Variants in FLG observed in about 807,000 individuals in gnomAD.
FLG encodes the protein filaggrin, also known as epidermal filaggrin.
FLG carries 6 observed loss-of-function variants against 3.8 expected under a neutral mutation model. The ratio of observed to expected loss-of-function variants is 1.60; its 90% CI spans 0.87 to 3.15. FLG has a LOEUF of 3.15. Among genes scored for constraint, FLG ranks in the 30% most tolerant of loss-of-function variants. The pLI is 0.00. For missense variants in FLG, 7,595 were observed against 5,050.9 expected (o/e 1.50, Z -15.27); for synonymous variants, 2,551 against 1,931.6 (o/e 1.32, Z -8.41).
chr1:152,324,086 C>T (rs866045314), intron 1 of FLG, among the ~76,000 whole-genome samples: 7 of 142,232 alleles, frequency 4.9e-5, no homozygotes, highest in Non-Finnish European at 9.1e-5. Flanking sequence ...TGGATAACTT[C>T]TAGATTTTGG....
chr1:152,304,821 C>T lies in FLG; in HGVS notation c.10065G>A (p.Val3355=). The part of the protein sequence containing the change: ...GHSEESDTQS[V]SGHGQAGPHQ... ...GGGGCCCAGCCTGTCCATGGCCTGA[C>T]ACTGACTGTGTGTCTGACTCTTCTG... is the stretch of plus-strand genomic sequence containing the variant. The change falls in exon 3 of 3, where the codon GTG becomes GTA. Residue 3355 remains valine (V), a synonymous_variant. Transcript: ENST00000368799. 6.2e-7 allele frequency: 1 copy of T among 1,613,880 alleles called. No homozygotes were observed. The highest frequency in any genetic ancestry group is 8.5e-7 in the Non-Finnish European group (1 of 1,179,986).
chr1:152,305,324 G>C lies in FLG; in HGVS notation c.9562C>G (p.His3188Asp). Residue 3188 changes from histidine (H) to aspartate (D), a missense_variant, in exon 3 of 3, where the codon CAT (histidine) becomes GAT (aspartate). His to Asp is a moderately conservative substitution (Grantham distance 81). Transcript: ENST00000368799. The stretch of plus-strand genomic sequence containing the variant: ...TGTGAGTGTCTAGAGATGTCGGCAT[G>C]AGTGGAAGCTTCATGGTGACGTGAC... ...SVSRHHEAST[H>D]ADISRHSQAV... The C allele has an allele frequency of 6.2e-7, 1 of 1,607,860 alleles. No homozygotes were observed. The highest frequency in any genetic ancestry group is 8.5e-7 in the Non-Finnish European group (1 of 1,178,272).
chr1:152,315,489 A>G lies in FLG; in HGVS notation c.-21-12T>C. 1 of 1,593,362 alleles carries G rather than the reference A, an allele frequency of 6.3e-7. No individual in the cohort carries two copies. The highest frequency in any genetic ancestry group is 8.6e-7 in the Non-Finnish European group (1 of 1,168,774). ...CAATAAATGTGAACCTAGAAAGAAG[A>G]AATGAAAATGCACTTTTTTATACAT... On this transcript the variant is annotated splice_polypyrimidine_tract_variant and intron_variant, in intron 1 of 2. Transcript: ENST00000368799.
In FLG at chr1:152,311,982, T is replaced by G; in HGVS notation, c.2904A>C (p.Arg968Ser). The change falls in exon 3 of 3, where the codon AGA becomes AGC. Residue 968 changes from arginine (R) to serine (S), a missense_variant. Coordinates refer to ENST00000368799, the MANE Select transcript of FLG (RefSeq NM_002016.2). ...DSERWSGSAS[R>S]NHRGSAQEQS... ...GCTCCTGAGCAGATCCACGATGGTT[T>G]CTGGAAGCAGACCCAGACCACCTCT... 1 of 1,614,078 alleles carries G rather than the reference T, an allele frequency of 6.2e-7. No homozygotes were observed. Among genetic ancestry groups the G allele is most frequent in the Non-Finnish European group, 8.5e-7 (1 of 1,180,000 alleles).
At chr1:152,316,907 C>T (rs1224983922) in intron 1 of FLG, among the ~76,000 whole-genome samples, 1 of 152,120 alleles carries the variant, frequency 6.6e-6, no homozygotes, top group Non-Finnish European at 1.5e-5. Flanking sequence ...TCAACAACTT[C>T]TTCTTTCCTT....
In FLG at chr1:152,303,633, G is replaced by A; in HGVS notation, c.11253C>T (p.Ser3751=). The part of the protein sequence containing the change: ...QARDSSRHSA[S]QEGQDTIRGH... ...CACGAATGGTGTCCTGACCCTCTTGGGACGCTGAGTGCCTGGAGCTGTCTC... is the reference window on the plus strand; with the variant it reads ...CACGAATGGTGTCCTGACCCTCTTGAGACGCTGAGTGCCTGGAGCTGTCTC... Residue 3751 remains serine, a synonymous_variant, in exon 3 of 3, where the codon TCC becomes TCT. Transcript: ENST00000368799. 1 of 1,613,628 alleles carries A rather than the reference G, an allele frequency of 6.2e-7. No homozygotes were observed. Among genetic ancestry groups the A allele is most frequent in the Non-Finnish European group, 8.5e-7 (1 of 1,179,844 alleles).
Position 152,309,306 on chromosome 1 carries a change from T to C in FLG, c.5580A>G (p.Gly1860=). Residue 1860 remains glycine, a synonymous_variant, in exon 3 of 3, where the codon GGA becomes GGG. Transcript: ENST00000368799. ...GTGTTTGTCTGCTGACACTTCTGGA[T>C]CCTGACTGCCCACGGGAGACATCAG... ...ERSDVSRGQS[G]SRSVSRQTRN... 6 of 1,613,772 alleles carry C rather than the reference T, an allele frequency of 3.7e-6. No individual in the cohort carries two copies. Among genetic ancestry groups the C allele is most frequent in the Non-Finnish European group, 5.1e-6 (6 of 1,179,972 alleles).
In FLG at chr1:152,312,828, C is replaced by G; in HGVS notation, c.2058G>C (p.Gln686His). 2 of 1,614,070 alleles carry G rather than the reference C, an allele frequency of 1.2e-6. No individual in the cohort carries two copies. The change falls in exon 3 of 3, where the codon CAG (glutamine) becomes CAC (histidine). Residue 686 changes from glutamine (Q) to histidine (H), a missense_variant. Physicochemically the swap from Gln to His is conservative, Grantham distance 24. Transcript: ENST00000368799. ...SSRKSGTRHT[Q>H]NSSSGQAASS... Reference sequence around the variant, plus strand: ...ACGCAGCCTGTCCACTAGAGGAATTCTGTGTGTGACGAGTGCCTGATTTTC... The same window carrying G: ...ACGCAGCCTGTCCACTAGAGGAATTGTGTGTGTGACGAGTGCCTGATTTTC...
Position 152,304,542 on chromosome 1 carries a change from G to A in FLG, c.10344C>T (p.Ser3448=), listed in dbSNP as rs753578049. The stretch of plus-strand genomic sequence containing the variant: ...ACCTATCTACCGATTGCTCGTAGTG[G>A]GATCCCTGCCTTCCTCTTCTGCTTG... The part of the protein sequence containing the change: ...PGSSRRGRQG[S]HYEQSVDRSG... The change falls in exon 3 of 3, where the codon TCC becomes TCT. Residue 3448 remains serine (S), a synonymous_variant. Transcript: ENST00000368799. The A allele has an allele frequency of 2.5e-6, 4 of 1,609,850 alleles. No individual in the cohort carries two copies. Among genetic ancestry groups the A allele is most frequent in the African/African-American group, 1.3e-5 (1 of 74,546 alleles).
chr1:152,313,411 C>T lies in FLG; in HGVS notation c.1475G>A (p.Arg492Lys). 2.5e-6 allele frequency: 4 copies of T among 1,613,874 alleles called. No individual in the cohort carries two copies. The South Asian group carries it at 3.3e-5, about 13-fold the overall frequency. The change falls in exon 3 of 3, where the codon AGA (arginine) becomes AAA (lysine). Residue 492 changes from arginine (R) to lysine (K), a missense_variant. Arg to Lys is a conservative substitution (Grantham distance 26). Coordinates refer to ENST00000368799, the MANE Select transcript of FLG (RefSeq NM_002016.2). ...TGCCTGCTCGTGGTGCGATCCTTGT[C>T]TTCCTCCAGTGCTGGTCCCGGTCCG... The part of the protein sequence containing the change: ...HGRTGTSTGG[R>K]QGSHHEQARD...
rs747796700 is a variant in FLG at position 152,308,818 on chromosome 1, C to T, written c.6068G>A (p.Gly2023Glu). 1.2e-6 allele frequency: 2 copies of T among 1,614,118 alleles called. No individual in the cohort carries two copies. Among genetic ancestry groups the T allele is most frequent in the Non-Finnish European group, 1.7e-6 (2 of 1,179,992 alleles). ...SADSSRHSGI[G>E]HGQASSAVRD... ...GACTGCAGATGAAGCTTGTCCATGCCCAATGCCTGAGTGTCTGGAGCTGTC... is the reference window on the plus strand; with the variant it reads ...GACTGCAGATGAAGCTTGTCCATGCTCAATGCCTGAGTGTCTGGAGCTGTC... The change falls in exon 3 of 3, where the codon GGG becomes GAG. Residue 2023 changes from glycine (G) to glutamate (E), a missense_variant. Gly to Glu is a moderately conservative substitution (Grantham distance 98). Coordinates refer to ENST00000368799, the MANE Select transcript of FLG (RefSeq NM_002016.2).
rs375584758 is a variant in FLG at position 152,310,382 on chromosome 1, C to T, written c.4504G>A (p.Gly1502Arg). ...TCTACTGATTGCTCGTGGTAGGATC[C>T]CTGCCTTCCTCCTCTGCTTGACCCC... is the stretch of plus-strand genomic sequence containing the variant. ...HPGSSRGGRQGSYHEQSVDRS... is the reference protein window; with the variant it reads ...HPGSSRGGRQRSYHEQSVDRS... The change falls in exon 3 of 3, where the codon GGA becomes AGA. Residue 1502 changes from glycine to arginine, a missense_variant. Transcript: ENST00000368799. 2.5e-6 allele frequency: 4 copies of T among 1,613,644 alleles called. No homozygotes were observed. In the South Asian group the frequency reaches 3.3e-5, roughly 13 times the overall value.
rs1189411821 is a variant in FLG at position 152,307,301 on chromosome 1, G to T, written c.7585C>A (p.His2529Asn). Residue 2529 changes from histidine to asparagine, a missense_variant, in exon 3 of 3, where the codon CAC (histidine) becomes AAC (asparagine). Transcript: ENST00000368799. ...GCTTCATGGTGACGCGACCCTGAGT[G>T]CCTGGAGCCGTCTCCTGATTGTTCA... The part of the protein sequence containing the change: ...NDEQSGDGSR[H>N]SGSRHHEASS... 1.2e-6 allele frequency: 2 copies of T among 1,613,562 alleles called. No individual in the cohort carries two copies. The highest frequency in any genetic ancestry group is 8.5e-7 in the Non-Finnish European group (1 of 1,179,976).
In FLG at chr1:152,310,773, T is replaced by C. The variant is rs766913580; in HGVS notation, c.4113A>G (p.Ser1371=). Residue 1371 remains serine (S), a synonymous_variant, in exon 3 of 3, where the codon TCA becomes TCG. Transcript: ENST00000368799. ...ATGAAGCTTGTCTGTGCCCAATGCC[T>C]GAGTGTCTGGAGCTGTCTGCTGACT... is the stretch of plus-strand genomic sequence containing the variant. ...HQQSADSSRH[S]GIGHRQASSA... 3 of 1,614,036 alleles carry C rather than the reference T, an allele frequency of 1.9e-6. No individual in the cohort carries two copies. The highest frequency in any genetic ancestry group is 1.7e-6 in the Non-Finnish European group (2 of 1,179,998).
In FLG at chr1:152,308,098, G is replaced by C. The variant is rs373335399; in HGVS notation, c.6788C>G (p.Ala2263Gly). The change falls in exon 3 of 3, where the codon GCG becomes GGG. Residue 2263 changes from alanine (A) to glycine (G), a missense_variant. Physicochemically the swap from Ala to Gly is moderately conservative, Grantham distance 60. Coordinates refer to ENST00000368799, the MANE Select transcript of FLG (RefSeq NM_002016.2). ...AGCAGATCCATGATGGTTTCTGGACGCAGACCCAGACCGCCTCTCAGAATC... is the reference window on the plus strand; with the variant it reads ...AGCAGATCCATGATGGTTTCTGGACCCAGACCCAGACCGCCTCTCAGAATC... Reference protein sequence around the residue: ...SEDSERRSGSASRNHHGSAQE... With the variant: ...SEDSERRSGSGSRNHHGSAQE... The C allele has an allele frequency of 6.2e-6, 10 of 1,613,966 alleles. No individual in the cohort carries two copies. The South Asian group carries it at 9.9e-5, about 16-fold the overall frequency.
Position 152,302,838 on chromosome 1 carries a change from T to G in FLG, c.12048A>C (p.Lys4016Asn), listed in dbSNP as rs1651690934. ...VVFKERSDICKASAFGKDHPR... is the reference protein window; with the variant it reads ...VVFKERSDICNASAFGKDHPR... ...GATGATCTTTACCAAACGCACTTGC[T>G]TTACAGATATCAGATCTTTCCTTGA... The change falls in exon 3 of 3, where the codon AAA becomes AAC. Residue 4016 changes from lysine (K) to asparagine (N), a missense_variant. Transcript: ENST00000368799. 7 of 1,614,088 alleles carry G rather than the reference T, an allele frequency of 4.3e-6. No homozygotes were observed. Among genetic ancestry groups the G allele is most frequent in the Non-Finnish European group, 5.9e-6 (7 of 1,180,034 alleles).
chr1:152,308,435 C>G lies in FLG; in HGVS notation c.6451G>C (p.Gly2151Arg). ...HPGPSRGGRQ[G>R]SHQEQSVDRS... ...TCTACCGATTGCTCTTGGTGGGACC[C>G]CTGTCTTCCTCCTCTGCTTGGCCCC... is the stretch of plus-strand genomic sequence containing the variant. Residue 2151 changes from glycine (G) to arginine (R), a missense_variant, in exon 3 of 3, where the codon GGG becomes CGG. Coordinates refer to ENST00000368799, the MANE Select transcript of FLG (RefSeq NM_002016.2). The G allele has an allele frequency of 6.2e-7, 1 of 1,613,824 alleles. No individual in the cohort carries two copies.
Position 152,312,410 on chromosome 1 carries a change from G to T in FLG, c.2476C>A (p.Arg826=). Residue 826 remains arginine (R), a synonymous_variant, in exon 3 of 3, where the codon CGA becomes AGA. Coordinates refer to ENST00000368799, the MANE Select transcript of FLG (RefSeq NM_002016.2). ...GATGCTGAGTGCCTGGAGTTGTCTC[G>T]TGCCTGCTCATGGTGGGATCCTTGT... is the stretch of plus-strand genomic sequence containing the variant. The part of the protein sequence containing the change: ...VRQGSHHEQA[R]DNSRHSASQD... 2 of 1,613,312 alleles carry T rather than the reference G, an allele frequency of 1.2e-6. No individual in the cohort carries two copies. The highest frequency in any genetic ancestry group is 1.7e-6 in the Non-Finnish European group (2 of 1,179,828).
intron 1 of FLG, among the ~76,000 whole-genome samples, chr1:152,318,520 A>T (rs1040480017): frequency 2.0e-5 from 3 of 151,746 alleles, no homozygotes; most frequent in African/African-American, 2.4e-5. Context: ...TCTTCTACTC[A>T]ATCTCAAAAG....
Sources: gnomAD v4.1 joint callset for allele counts (sites outside exome capture counted in the v4.1 genomes callset) on GRCh38, gnomAD v4.1.1 for gene constraint, MANE v1.5 for transcripts, NCBI Gene and HGNC (gene_info 2026-07-23, HGNC 2026-07-21) for gene names.